The following MRPL15 variants were observed in gnomAD, a reference collection of about 807,000 sequenced individuals.
MRPL15 encodes large ribosomal subunit protein uL15m.
MRPL15 carries 24 observed loss-of-function variants against 28.0 expected under a neutral mutation model. The observed-to-expected ratio is 0.86, with a 90% CI of 0.62 to 1.21. MRPL15 has a LOEUF of 1.21. MRPL15 is among the 50% of genes most tolerant of loss of function. MRPL15 has a pLI of 0.00. For missense variants in MRPL15, 343 were observed against 372.4 expected (o/e 0.92, Z 0.65); for synonymous variants, 124 against 137.0 (o/e 0.90, Z 0.66).
chr8:54,143,215 G>A (rs768638249), intron 4 of MRPL15, among the ~76,000 whole-genome samples: 29 of 152,164 alleles, frequency 1.9e-4, no homozygotes, highest in Admixed American at 9.8e-4. Flanking sequence ...GGAGTAGCTG[G>A]GGTTACAGGT....
rs71551976 is a variant in MRPL15, at chr8:54,140,574, C to CTTTTTTTTTT, written c.430-2081_430-2072dup. Among the ~76,000 whole-genome samples, 69 of 99,592 alleles carry CTTTTTTTTTT rather than the reference C, an allele frequency of 6.9e-4. 5 individuals carry two copies. Among genetic ancestry groups the CTTTTTTTTTT allele is most frequent in the African/African-American group, 2.1e-3 (59 of 27,612 alleles). The allele number at this position is 99,592 out of a possible 152,430, so 65.3% of individuals were successfully genotyped here. On this transcript the variant is annotated intron_variant, in intron 3 of 4. Coordinates refer to ENST00000260102, the MANE Select transcript of MRPL15 (RefSeq NM_014175.4). ...CCGGCCTAGAACTACATTTTCTTTT[C>CTTTTTTTTTT]TTTTTTTTTTTTTTTTTGAGATGGA...
chr8:54,136,003 CTAAA>C lies in MRPL15; in HGVS notation c.109-505_109-502del, dbSNP rs1306073769. ...TTGCAGCTGTCCCTTCTGCAGTTGA[CTAAA>C]TAGAGCTAGAAAAGCTGTTAGTTGA... On this transcript the variant is annotated intron_variant, in intron 1 of 4. Coordinates refer to ENST00000260102, the MANE Select transcript of MRPL15 (RefSeq NM_014175.4). Among the ~76,000 whole-genome samples, 3 of 152,148 alleles carry C rather than the reference CTAAA, an allele frequency of 2.0e-5. No individual in the cohort carries two copies. In the South Asian group the frequency reaches 6.2e-4, roughly 32 times the overall value.
Position 54,142,806 on chromosome 8 carries a change from A to G in MRPL15, c.553+20A>G, listed in dbSNP as rs778050952. On this transcript the variant is annotated intron_variant, in intron 4 of 4. Coordinates refer to ENST00000260102, the MANE Select transcript of MRPL15 (RefSeq NM_014175.4). ...GTCTGGGTAAGTTTGTTCCACGGTC[A>G]TTTTCTTCTTTCTCTCTTTGTCTCA... is the stretch of plus-strand genomic sequence containing the variant. 1.9e-6 allele frequency: 3 copies of G among 1,609,876 alleles called. No homozygotes were observed. Among genetic ancestry groups the G allele is most frequent in the East Asian group, 4.5e-5 (2 of 44,816 alleles).
intron 1 of MRPL15, among the ~76,000 whole-genome samples, chr8:54,136,186 G>A (rs1810824687): frequency 6.6e-6 from 1 of 152,202 alleles, no homozygotes; most frequent in Non-Finnish European, 1.5e-5. Flanking sequence ...ATAAATTCTT[G>A]CCTATCATTT....
At chr8:54,139,079 G>A (rs757003629) in intron 3 of MRPL15, among the ~76,000 whole-genome samples, 8 of 152,042 alleles carry the variant, frequency 5.3e-5, no homozygotes, top group Non-Finnish European at 7.4e-5. Flanking sequence ...GGCTCACTGC[G>A]ATCTCCACCT....
At position 54,136,547 on chromosome 8, in the gene MRPL15, T is replaced by C. The variant is rs759619404; in HGVS notation, c.145T>C (p.Cys49Arg). Reference sequence around the variant, plus strand: ...AAGAGGTCGGAGAAGAGGTAGAAAATGTGGCAGAGGCCATAAAGGAGAAAG... The same window carrying C: ...AAGAGGTCGGAGAAGAGGTAGAAAACGTGGCAGAGGCCATAAAGGAGAAAG... The part of the protein sequence containing the change: ...RPRGRRRGRK[C>R]GRGHKGERQR... Residue 49 changes from cysteine to arginine, a missense_variant, in exon 2 of 5, where the codon TGT (cysteine) becomes CGT (arginine). Coordinates refer to ENST00000260102, the MANE Select transcript of MRPL15 (RefSeq NM_014175.4). The C allele has an allele frequency of 1.7e-5, 28 of 1,614,030 alleles. No homozygotes were observed. Among genetic ancestry groups the C allele is most frequent in the Non-Finnish European group, 2.3e-5 (27 of 1,179,966 alleles).
intron 4 of MRPL15, among the ~76,000 whole-genome samples, chr8:54,145,487 T>TC (rs1002164740): frequency 6.6e-6 from 1 of 151,862 alleles, no homozygotes; most frequent in Non-Finnish European, 1.5e-5. Flanking sequence ...GCCAGAAATT[T>TC]TTTTTTTTTC....
At position 54,142,641 on chromosome 8, in the gene MRPL15, AGACT is replaced by A. The variant is rs1226395575; in HGVS notation, c.430-20_430-17del. On this transcript the variant is annotated intron_variant, in intron 3 of 4. Coordinates refer to ENST00000260102, the MANE Select transcript of MRPL15 (RefSeq NM_014175.4). The stretch of plus-strand genomic sequence containing the variant: ...ACTTTTAGCCAAGCTGTTTACCAAC[AGACT>A]GTTTTGACATATTTCAGGGTGCTGA... 6.2e-7 allele frequency: 1 copy of A among 1,608,688 alleles called. No homozygotes were observed. Among genetic ancestry groups the A allele is most frequent in the Non-Finnish European group, 8.5e-7 (1 of 1,178,212 alleles).
rs375916174 is a variant in MRPL15 at position 54,137,245 on chromosome 8, A to G, written c.264-23A>G. 7.3e-5 allele frequency: 117 copies of G among 1,597,898 alleles called. No individual in the cohort carries two copies. In the African/African-American group the frequency reaches 1.5e-3, roughly 20 times the overall value. ...GTTACAGGAAGATGAGAGTTTTCCA[A>G]CTCTTACATTCTTGTTTTACAGTTT... On this transcript the variant is annotated intron_variant, in intron 2 of 4. Transcript: ENST00000260102.
chr8:54,143,247 A>AT (rs1272329125), intron 4 of MRPL15, among the ~76,000 whole-genome samples: 2 of 151,932 alleles, frequency 1.3e-5, no homozygotes, highest in African/African-American at 4.8e-5. Context: ...CACCCAGCCA[A>AT]TTTTTGTATT....
At chr8:54,141,657 C>CT (rs1810928389) in intron 3 of MRPL15, among the ~76,000 whole-genome samples, 1 of 152,156 alleles carries the variant, frequency 6.6e-6, no homozygotes, top group Admixed American at 6.6e-5. Flanking sequence ...GATCAAGTCT[C>CT]TAAGATGGCC....
chr8:54,136,572 GGCAA>G lies in MRPL15; in HGVS notation c.171_174del (p.Gln58GlufsTer38), dbSNP rs762531375. The G allele has an allele frequency of 1.2e-6, 2 of 1,614,188 alleles. No homozygotes were observed. Among genetic ancestry groups the G allele is most frequent in the Non-Finnish European group, 1.7e-6 (2 of 1,180,026 alleles). On this transcript the variant is annotated frameshift_variant, in exon 2 of 5. Coordinates refer to ENST00000260102, the MANE Select transcript of MRPL15 (RefSeq NM_014175.4). LOFTEE classifies it high-confidence loss of function. Reference sequence around the variant, plus strand: ...TGTGGCAGAGGCCATAAAGGAGAAAGGCAAAGAGGAACCCGGCCCCGCTTGGGCT... The same window carrying G: ...TGTGGCAGAGGCCATAAAGGAGAAAGAGAGGAACCCGGCCCCGCTTGGGCT...
intron 4 of MRPL15, among the ~76,000 whole-genome samples, chr8:54,146,693 TAG>T (rs368293673): frequency 7.9e-4 from 120 of 152,300 alleles, no homozygotes; most frequent in African/African-American, 2.7e-3. Context: ...ACACGATGAG[TAG>T]AGTGTCAGTT....
chr8:54,141,582 A>G (rs956163839), intron 3 of MRPL15, among the ~76,000 whole-genome samples: 1 of 152,174 alleles, frequency 6.6e-6, no homozygotes, highest in African/African-American at 2.4e-5. Context: ...AGATATTTAA[A>G]ATAGGAATTA....
chr8:54,138,301 CTTTTTTTTT>C lies in MRPL15; in HGVS notation c.429+888_429+896del, dbSNP rs71254537. Among the ~76,000 whole-genome samples the C allele has an allele frequency of 1.8e-4, 10 of 57,010 alleles. No homozygotes were observed. The East Asian group carries it at 6.4e-3, about 36-fold the overall frequency. The allele number at this position is 57,010 out of a possible 152,430, so 37.4% of individuals were successfully genotyped here. On this transcript the variant is annotated intron_variant, in intron 3 of 4. Transcript: ENST00000260102. ...TTGAATGTCAACATATCAGGAAGATCTTTTTTTTTTTTTTTTTTTTTTTTTTTTAAATAG... is the reference window on the plus strand; with the variant it reads ...TTGAATGTCAACATATCAGGAAGATCTTTTTTTTTTTTTTTTTTTAAATAG...
chr8:54,142,758 T>TA lies in MRPL15; in HGVS notation c.526dup (p.Thr176AsnfsTer5). ...TTGAAAAAAATGGTGGTGTTGTTAC[T>TA]ACAGCCTTCTATGATCCAAGAAGTC... On this transcript the variant is annotated frameshift_variant, in exon 4 of 5. Transcript: ENST00000260102. LOFTEE classifies it high-confidence loss of function. The TA allele has an allele frequency of 6.2e-7, 1 of 1,614,226 alleles. No homozygotes were observed. The highest frequency in any genetic ancestry group is 1.3e-5 in the African/African-American group (1 of 75,072).
chr8:54,145,708 T>A (rs1483248518), intron 4 of MRPL15, among the ~76,000 whole-genome samples: 1 of 152,174 alleles, frequency 6.6e-6, no homozygotes. Context: ...ACTCCTGCGC[T>A]CAAGCAATTC....
chr8:54,135,807 G>A (rs1315569632), intron 1 of MRPL15, among the ~76,000 whole-genome samples: 1 of 152,172 alleles, frequency 6.6e-6, no homozygotes, highest in Non-Finnish European at 1.5e-5. Context: ...ACAGGCGTGA[G>A]CCACCGCCCC....
rs1382841156 is a variant in MRPL15, at chr8:54,147,416, T to C, written c.588T>C (p.Arg196=). Residue 196 remains arginine, a synonymous_variant, in exon 5 of 5, where the codon CGT becomes CGC. Coordinates refer to ENST00000260102, the MANE Select transcript of MRPL15 (RefSeq NM_014175.4). Reference sequence around the variant, plus strand: ...GCAAACCTGTTCCATTCTTTCTTCGTGGACAACCCATTCCAAAAAGAATGC... The same window carrying C: ...GCAAACCTGTTCCATTCTTTCTTCGCGGACAACCCATTCCAAAAAGAATGC... ...IVCKPVPFFL[R]GQPIPKRMLP... is the part of the protein sequence containing the mutation. 1 of 1,612,780 alleles carries C rather than the reference T, an allele frequency of 6.2e-7. No individual in the cohort carries two copies. The highest frequency in any genetic ancestry group is 8.5e-7 in the Non-Finnish European group (1 of 1,179,288).
Sources: allele counts gnomAD v4.1 joint callset (sites outside exome capture counted in the v4.1 genomes callset), GRCh38; gene constraint gnomAD v4.1.1; transcripts MANE v1.5; gene names NCBI Gene and HGNC (gene_info 2026-07-23, HGNC 2026-07-21).